CADPS2: variants seen among roughly 807,000 people sequenced by gnomAD.
CADPS2 encodes calcium-dependent secretion activator 2.
In CADPS2, 93 loss-of-function variants were observed where a neutral mutation model predicts 172.5. The ratio of observed to expected loss-of-function variants is 0.54; its 90% CI spans 0.46 to 0.64. The LOEUF (loss-of-function observed/expected upper bound fraction) is 0.64, where lower values mean the gene tolerates loss of function less well. Among genes scored for constraint, CADPS2 ranks in the 30% least tolerant of loss-of-function variants. CADPS2 has a pLI of 0.00. For synonymous variants in CADPS2, 546 were observed against 555.2 expected, an observed-to-expected ratio of 0.98 and a Z score of 0.23; for missense variants, 1,420 against 1,565.9, an observed-to-expected ratio of 0.91 and a Z score of 1.57.
intron 20 of CADPS2, among the ~76,000 whole-genome samples, chr7:122,398,763 T>TCC (rs2045510814): frequency 6.7e-6 from 1 of 150,362 alleles, no homozygotes; most frequent in Non-Finnish European, 1.5e-5. Context: ...TCTCTCTCTC[T>TCC]CCCGCCGCCC....
rs1012496774 is a variant in CADPS2 at position 122,319,602 on chromosome 7, A to C, written c.*563T>G. On this transcript the variant is annotated 3_prime_UTR_variant, in exon 30 of 30. Coordinates refer to ENST00000449022, the MANE Select transcript of CADPS2 (RefSeq NM_017954.11). ...GGCAATCCTTTCATCCCAGGAATAT[A>C]CCTGTAGACCAATTCAAAGTACTAA... 6.6e-6 allele frequency: 1 copy of C among 152,222 alleles called. No individual in the cohort carries two copies. The highest frequency in any genetic ancestry group is 2.4e-5 in the African/African-American group (1 of 41,452). 9.4% of individuals were successfully genotyped at this position (152,222 alleles called of 1,614,324 possible). A position where few individuals can be genotyped will look rare whatever the true frequency, so the allele number is the denominator to read the frequency against.
chr7:122,645,294 T>TAC (rs1238027262), intron 3 of CADPS2, among the ~76,000 whole-genome samples: 1 of 138,724 alleles, frequency 7.2e-6, no homozygotes, highest in African/African-American at 2.6e-5. Context: ...TATGTACATA[T>TAC]ATACACATAT....
chr7:122,589,658 A>G (rs1422384093), intron 6 of CADPS2, among the ~76,000 whole-genome samples: 1 of 151,928 alleles, frequency 6.6e-6, no homozygotes, highest in Non-Finnish European at 1.5e-5. Flanking sequence ...ACTATAAGAG[A>G]TAAAGAAACT....
chr7:122,847,219 T>C (rs1413443845), intron 1 of CADPS2, among the ~76,000 whole-genome samples: 6 of 152,184 alleles, frequency 3.9e-5, no homozygotes, highest in African/African-American at 1.4e-4. Flanking sequence ...CTCAAGTAGC[T>C]GGGACTACAG....
chr7:122,660,670 G>A (rs2080425960), intron 3 of CADPS2, among the ~76,000 whole-genome samples: 1 of 151,792 alleles, frequency 6.6e-6, no homozygotes, highest in Non-Finnish European at 1.5e-5. Context: ...CAGCACTTTG[G>A]GAGGCCGAGG....
chr7:122,537,391 T>C (rs2062416123), intron 8 of CADPS2, among the ~76,000 whole-genome samples: 1 of 151,566 alleles, frequency 6.6e-6, no homozygotes, highest in Non-Finnish European at 1.5e-5. Context: ...TGTAATGCTA[T>C]GATGAAGAAG....
chr7:122,493,720 CTTTTTT>C (rs10544810), intron 9 of CADPS2, among the ~76,000 whole-genome samples: 7 of 131,608 alleles, frequency 5.3e-5, no homozygotes, highest in African/African-American at 1.1e-4. Flanking sequence ...TATGTTTAAT[CTTTTTT>C]TTTTTTTTTT....
rs374258729 is a variant in CADPS2, at chr7:122,839,380, A to G, written c.339+46619T>C. ...GGACATAGGCATGGGCAAGGACTTC[A>G]TGTCTAAAACACCAAAAGCAATGGC... On this transcript the variant is annotated intron_variant, in intron 1 of 29. Transcript: ENST00000449022. 6.6e-5 allele frequency among the ~76,000 whole-genome samples: 10 copies of G among 152,206 alleles called. No homozygotes were observed. In the East Asian group the frequency reaches 1.9e-3, roughly 29 times the overall value.
At chr7:122,706,400 AAT>A (rs1240841674) in intron 2 of CADPS2, among the ~76,000 whole-genome samples, 1 of 123,382 alleles carries the variant, frequency 8.1e-6, no homozygotes, top group African/African-American at 3.0e-5. Context: ...ATATTCAAGG[AAT>A]ATATATATAT....
chr7:122,393,533 T>C lies in CADPS2; in HGVS notation c.2796A>G (p.Val932=). 2 of 1,613,662 alleles carry C rather than the reference T, an allele frequency of 1.2e-6. No homozygotes were observed. The highest frequency in any genetic ancestry group is 1.7e-6 in the Non-Finnish European group (2 of 1,179,784). The change falls in exon 21 of 30, where the codon GTA becomes GTG. Residue 932 remains valine, a synonymous_variant. Coordinates refer to ENST00000449022, the MANE Select transcript of CADPS2 (RefSeq NM_017954.11). ...KFHKHLQEIF[V]PLVVRYVDLM... ...GATCCACATAGCGGACAACCAAGGG[T>C]ACAAAGATTTCTTGCAAGTGTTTGT...
intron 17 of CADPS2, among the ~76,000 whole-genome samples, chr7:122,431,202 T>A (rs1027215734): frequency 2.0e-5 from 3 of 152,262 alleles, no homozygotes; most frequent in Non-Finnish European, 4.4e-5. Context: ...TTTCTGCTAT[T>A]ATGTAGCTTG....
At chr7:122,751,470 A>AG (rs1562934592) in intron 1 of CADPS2, among the ~76,000 whole-genome samples, 2 of 152,224 alleles carry the variant, frequency 1.3e-5, no homozygotes, top group African/African-American at 4.8e-5. Flanking sequence ...CCTGATATCC[A>AG]GGACAATTCT....
At chr7:122,415,969 C>T in intron 18 of CADPS2, 92 bp downstream of exon 18, 1 of 668,772 alleles carries the variant, frequency 1.5e-6, no homozygotes, top group South Asian at 3.0e-5. Context: ...AGATATGTAT[C>T]AAGACTATGG....
chr7:122,370,602 T>C (rs897006815), intron 25 of CADPS2, among the ~76,000 whole-genome samples: 3 of 152,010 alleles, frequency 2.0e-5, no homozygotes, highest in African/African-American at 4.8e-5. Context: ...CACATAACCA[T>C]GAAGAAATGG....
At chr7:122,627,583 T>A (rs1223932344) in intron 4 of CADPS2, among the ~76,000 whole-genome samples, 1 of 152,310 alleles carries the variant, frequency 6.6e-6, no homozygotes, top group East Asian at 1.9e-4. Flanking sequence ...GAACACACCT[T>A]CTTCTCAGTC....
At chr7:122,654,127 G>C (rs2430048) in intron 3 of CADPS2, among the ~76,000 whole-genome samples, 118,170 of 152,104 alleles carry the variant, frequency 0.78, 46,407 homozygotes, top group Middle Eastern at 0.92. Flanking sequence ...GGTAAGGAAG[G>C]TGTAGAAGAA....
rs970637677 is a variant in CADPS2 at position 122,554,789 on chromosome 7, T to A, written c.1336-100A>T. The A allele has an allele frequency of 2.0e-5, 21 of 1,036,742 alleles. No homozygotes were observed. The Admixed American group carries it at 5.8e-4, about 29-fold the overall frequency. 64.2% of individuals were successfully genotyped at this position (1,036,742 alleles called of 1,614,324 possible). ...TGTTTTCCTGTTTGAAAAAATGATG[T>A]CAACACCCAAATGTATCCAATAAAC... On this transcript the variant is annotated intron_variant, in intron 7 of 29. Coordinates refer to ENST00000449022, the MANE Select transcript of CADPS2 (RefSeq NM_017954.11).
At chr7:122,741,952 T>C (rs1209448614) in intron 1 of CADPS2, among the ~76,000 whole-genome samples, 3 of 152,172 alleles carry the variant, frequency 2.0e-5, no homozygotes, top group African/African-American at 7.2e-5. Context: ...TTCGCTCCAA[T>C]ATCCTGGGTA....
intron 1 of CADPS2, among the ~76,000 whole-genome samples, chr7:122,767,900 G>A (rs1035163289): frequency 1.3e-5 from 2 of 152,078 alleles, no homozygotes; most frequent in Non-Finnish European, 2.9e-5. Context: ...ACTGTGACAC[G>A]GATCTGCTGC....
Sources: allele counts gnomAD v4.1 joint callset (sites outside exome capture counted in the v4.1 genomes callset), GRCh38; gene constraint gnomAD v4.1.1; transcripts MANE v1.5; gene names NCBI Gene and HGNC (gene_info 2026-07-23, HGNC 2026-07-21).